BTN2A1: variants seen among roughly 807,000 people sequenced by gnomAD.
The protein encoded by BTN2A1 is butyrophilin subfamily 2 member A1.
BTN2A1 carries 41 observed loss-of-function variants against 34.5 expected under a neutral mutation model. The observed-to-expected ratio is 1.19, with a 90% CI of 0.93 to 1.54. The LOEUF (loss-of-function observed/expected upper bound fraction) is 1.54, where lower values mean the gene tolerates loss of function less well. Among genes scored for constraint, BTN2A1 ranks in the 40% most tolerant of loss-of-function variants. BTN2A1 has a pLI of 0.00. For missense variants in BTN2A1, 642 were observed against 662.0 expected (o/e 0.97, Z 0.33); for synonymous variants, 267 against 258.6 (o/e 1.03, Z -0.31).
At chr6:26,465,533 TA>T (rs1315632528) in intron 5 of BTN2A1, 127 bp downstream of exon 5, 30,686 of 634,394 alleles carry the variant, frequency 0.048, no homozygotes, top group East Asian at 0.076. Context: ...CCTGTTTAAT[TA>T]AAAAAAAAAA....
Position 26,468,647 on chromosome 6 carries a change from T to C in BTN2A1, c.*98T>C. 1 of 1,613,940 alleles carries C rather than the reference T, an allele frequency of 6.2e-7. No individual in the cohort carries two copies. The highest frequency in any genetic ancestry group is 8.5e-7 in the Non-Finnish European group (1 of 1,180,014). ...GTGGAAGACACGCCCTCCTCCCCTC[T>C]GGTCACACAAGAGAACATCTTCCAG... On this transcript the variant is annotated 3_prime_UTR_variant, in exon 8 of 8. Transcript: ENST00000312541.
chr6:26,474,771 T>TTG (rs55811010), intron 7 of BTN2A1, among the ~76,000 whole-genome samples: 1 of 151,480 alleles, frequency 6.6e-6, no homozygotes, highest in African/African-American at 2.4e-5. Flanking sequence ...TTTTTTTTTT[T>TTG]GTCAGAGTCT....
chr6:26,468,067 A>G lies in BTN2A1; in HGVS notation c.1102A>G (p.Arg368Gly), dbSNP rs746930821. The G allele has an allele frequency of 2.2e-5, 35 of 1,614,034 alleles. 1 individual carries two copies. In the East Asian group the frequency reaches 7.8e-4, roughly 36 times the overall value. ...GGAGAGCGTGCCTGACAACCCAGAGAGATTCGACAGTCAGCCTTGTGTCCT... is the reference window on the plus strand; with the variant it reads ...GGAGAGCGTGCCTGACAACCCAGAGGGATTCGACAGTCAGCCTTGTGTCCT... Reference protein sequence around the residue: ...LGESVPDNPERFDSQPCVLGR... With the variant: ...LGESVPDNPEGFDSQPCVLGR... Residue 368 changes from arginine to glycine, a missense_variant, in exon 8 of 8, where the codon AGA becomes GGA. Arg to Gly is a moderately radical substitution (Grantham distance 125). Coordinates refer to ENST00000312541, the MANE Select transcript of BTN2A1 (RefSeq NM_007049.5).
At chr6:26,471,466 G>A (rs1286472983), downstream of BTN2A1, among the ~76,000 whole-genome samples, 1 of 152,188 alleles carries the variant, frequency 6.6e-6, no homozygotes, top group Admixed American at 6.5e-5. Context: ...GGTGGCTCAC[G>A]CCCGTCATCC....
chr6:26,459,888 C>G, intron 3 of BTN2A1, 60 bp downstream of exon 3: 1 of 1,511,708 alleles, frequency 6.6e-7, no homozygotes, highest in Non-Finnish European at 8.9e-7. Flanking sequence ...GAAAGTTTCT[C>G]TCCTAACCTC....
In BTN2A1 at chr6:26,463,364, G is replaced by A. The variant is rs1328079177; in HGVS notation, c.551G>A (p.Gly184Glu). 2 of 1,614,080 alleles carry A rather than the reference G, an allele frequency of 1.2e-6. No individual in the cohort carries two copies. Among genetic ancestry groups the A allele is most frequent in the Non-Finnish European group, 1.7e-6 (2 of 1,180,002 alleles). The change falls in exon 4 of 8, where the codon GGG (glycine) becomes GAG (glutamate). Residue 184 changes from glycine (G) to glutamate (E), a missense_variant. Physicochemically the swap from Gly to Glu is moderately conservative, Grantham distance 98. Transcript: ENST00000312541. The stretch of plus-strand genomic sequence containing the variant: ...ACAGTGTGGAGGGACCCCTACGGTG[G>A]GGTTGCGCCTGCCCTGAAAGAGGTC... ...PLTVWRDPYG[G>E]VAPALKEVSM...
At chr6:26,466,779 G>C (rs1257400369) in intron 7 of BTN2A1, among the ~76,000 whole-genome samples, 1 of 152,216 alleles carries the variant, frequency 6.6e-6, no homozygotes, top group Non-Finnish European at 1.5e-5. Flanking sequence ...AATTGCCACT[G>C]TCAACTTGGG....
At position 26,459,482 on chromosome 6, in the gene BTN2A1, C is replaced by T. The variant is rs1054191841; in HGVS notation, c.84C>T (p.Ala28=). 6 of 1,613,512 alleles carry T rather than the reference C, an allele frequency of 3.7e-6. No homozygotes were observed. The highest frequency in any genetic ancestry group is 5.1e-6 in the Non-Finnish European group (6 of 1,179,578). The change falls in exon 3 of 8, where the codon GCC becomes GCT. Residue 28 remains alanine (A), a splice_region_variant and synonymous_variant. Coordinates refer to ENST00000312541, the MANE Select transcript of BTN2A1 (RefSeq NM_007049.5). The part of the protein sequence containing the change: ...LLLSLCALVS[A]QFIVVGPTDP... ...TGACTCTACCCCTTTGTTGAACAGC[C>T]CAGTTTATTGTCGTGGGGCCCACTG... is the stretch of plus-strand genomic sequence containing the variant.
chr6:26,471,226 G>T (rs540496113), downstream of BTN2A1, among the ~76,000 whole-genome samples: 42 of 152,282 alleles, frequency 2.8e-4, 1 homozygote, highest in Non-Finnish European at 4.3e-4. Context: ...GTTTTAGTCT[G>T]CCCAGACAGC....
At chr6:26,473,623 G>A (rs1331181174), downstream of BTN2A1, among the ~76,000 whole-genome samples, 1 of 152,112 alleles carries the variant, frequency 6.6e-6, no homozygotes, top group Non-Finnish European at 1.5e-5. Flanking sequence ...ACATGCAAGG[G>A]GATGTCTGCA....
chr6:26,458,701 T>A lies in BTN2A1; in HGVS notation c.65T>A (p.Leu22Gln), dbSNP rs1763076995. 6.2e-7 allele frequency: 1 copy of A among 1,613,964 alleles called. No individual in the cohort carries two copies. Among genetic ancestry groups the A allele is most frequent in the South Asian group, 1.1e-5 (1 of 91,084 alleles). ...TCCCTCCTCCTCCTCCTCCTCAGCCTGTGTGCACTGGTCTCAGGTAGGGAT... is the reference window on the plus strand; with the variant it reads ...TCCCTCCTCCTCCTCCTCCTCAGCCAGTGTGCACTGGTCTCAGGTAGGGAT... Reference protein sequence around the residue: ...PASLLLLLLSLCALVSAQFIV... With the variant: ...PASLLLLLLSQCALVSAQFIV... The change falls in exon 2 of 8, where the codon CTG (leucine) becomes CAG (glutamine). Residue 22 changes from leucine to glutamine, a missense_variant. By Grantham distance (113) the Leu-to-Gln change is moderately radical. Coordinates refer to ENST00000312541, the MANE Select transcript of BTN2A1 (RefSeq NM_007049.5).
At chr6:26,459,460 C>T (rs1581666057) in intron 2 of BTN2A1, 21 bp from the exon 3 acceptor site, 2 of 1,608,922 alleles carry the variant, frequency 1.2e-6, no homozygotes, top group Non-Finnish European at 1.7e-6. Context: ...CTTTGTCTGA[C>T]TCTACCCCTT....
At chr6:26,470,342 C>A (rs1008178618), downstream of BTN2A1, among the ~76,000 whole-genome samples, 9 of 152,018 alleles carry the variant, frequency 5.9e-5, no homozygotes, top group Non-Finnish European at 1.0e-4. Context: ...GTGAAACTCC[C>A]GTCTCAAACA....
chr6:26,475,793 TG>T (rs1269254131), intron 7 of BTN2A1, among the ~76,000 whole-genome samples: 2 of 151,878 alleles, frequency 1.3e-5, no homozygotes, highest in Non-Finnish European at 2.9e-5. Context: ...AAAAATGTAC[TG>T]GATTGAGGGG....
intron 5 of BTN2A1, 165 bp from the exon 6 acceptor site, chr6:26,465,788 C>G (rs887637545): frequency 2.0e-6 from 2 of 984,398 alleles, no homozygotes; most frequent in Non-Finnish European, 2.4e-6. Context: ...TGGTACTACC[C>G]AGCCACCTGA....
intron 3 of BTN2A1, chr6:26,462,851 T>C: frequency 7.8e-7 from 1 of 1,280,928 alleles, no homozygotes; most frequent in Non-Finnish European, 1.0e-6. Context: ...GAAAGTGAAA[T>C]CCAAAACCTG....
Position 26,459,720 on chromosome 6 carries a change from G to C in BTN2A1, c.322G>C (p.Val108Leu). ...GAGCAAAGACATCAGCAGGGGCAGC[G>C]TGGCCCTGGTCATACACAACATCAC... ...FVSKDISRGS[V>L]ALVIHNITAQ... Residue 108 changes from valine to leucine, a missense_variant, in exon 3 of 8, where the codon GTG becomes CTG. By Grantham distance (32) the Val-to-Leu change is conservative. Transcript: ENST00000312541. 6.2e-7 allele frequency: 1 copy of C among 1,614,136 alleles called. No homozygotes were observed. Among genetic ancestry groups the C allele is most frequent in the Non-Finnish European group, 8.5e-7 (1 of 1,180,022 alleles).
chr6:26,466,216 T>G, intron 7 of BTN2A1, 128 bp downstream of exon 7: 8 of 1,373,542 alleles, frequency 5.8e-6, no homozygotes, highest in Non-Finnish European at 8.3e-6. Flanking sequence ...GGTCAGTTCA[T>G]CAACAGTGTC....
chr6:26,465,932 T>G (rs752441246), intron 5 of BTN2A1, 21 bp from the exon 6 acceptor site: 2 of 1,613,998 alleles, frequency 1.2e-6, no homozygotes, highest in Non-Finnish European at 1.7e-6. Context: ...AAAGACATGA[T>G]TTTCTTTGTT....
Sources: gnomAD v4.1 joint callset for allele counts (sites outside exome capture counted in the v4.1 genomes callset) on GRCh38, gnomAD v4.1.1 for gene constraint, MANE v1.5 for transcripts, NCBI Gene and HGNC (gene_info 2026-07-23, HGNC 2026-07-21) for gene names.